KCNN2: variants seen among roughly 807,000 people sequenced by gnomAD.
KCNN2 encodes the protein potassium calcium-activated channel subfamily N member 2, also known as small conductance calcium-activated potassium channel protein 2.
Under a neutral mutation model 55.5 loss-of-function variants are expected in KCNN2, and 24 were observed. The ratio of observed to expected loss-of-function variants is 0.43; its 90% confidence interval spans 0.31 to 0.61. The LOEUF (loss-of-function observed/expected upper bound fraction) is 0.61. Ranked by LOEUF, KCNN2 falls within the 20% of genes least tolerant of loss-of-function variation. The probability of loss-of-function intolerance (pLI) is 0.08; values close to 1 mark genes in which losing one functional copy is unlikely to be tolerated. For missense variants in KCNN2, 754 were observed against 853.6 expected, an observed-to-expected ratio of 0.88 and a Z score of 1.45; for synonymous variants, 431 against 336.1, an observed-to-expected ratio of 1.28 and a Z score of -3.09.
intron 1 of KCNN2, among the ~76,000 whole-genome samples, chr5:114,083,779 C>A (rs1391679693): frequency 6.6e-6 from 1 of 152,130 alleles, no homozygotes; most frequent in Non-Finnish European, 1.5e-5. Context: ...CATTAATCCA[C>A]CCTTACGTTA....
At chr5:114,347,207 T>C in intron 2 of KCNN2, among the ~76,000 whole-genome samples, 1 of 152,304 alleles carries the variant, frequency 6.6e-6, no homozygotes, top group Admixed American at 6.5e-5. Context: ...GGTGCTAAAA[T>C]TACTGGGTGA....
At chr5:114,113,978 C>T (rs1027520122) in intron 1 of KCNN2, among the ~76,000 whole-genome samples, 1 of 152,070 alleles carries the variant, frequency 6.6e-6, no homozygotes, top group African/African-American at 2.4e-5. Flanking sequence ...TTTGGGGTGA[C>T]ATTTGGATCA....
chr5:114,415,558 C>T lies in KCNN2; in HGVS notation c.1637+10702C>T, dbSNP rs146463275. 7.2e-3 allele frequency among the ~76,000 whole-genome samples: 1,097 copies of T among 152,064 alleles called. 4 individuals carry two copies. The highest frequency in any genetic ancestry group is 9.6e-3 in the Non-Finnish European group (651 of 67,990). On this transcript the variant is annotated intron_variant, in intron 3 of 7. Coordinates refer to ENST00000673685, the MANE Select transcript of KCNN2 (RefSeq NM_021614.4). ...TACAGAAATATATGGTCTTAATATA[C>T]GTTTATTTATAGTCTTATAACCATT...
At chr5:114,073,461 T>C (rs1173130347) in intron 1 of KCNN2, among the ~76,000 whole-genome samples, 4 of 152,238 alleles carry the variant, frequency 2.6e-5, no homozygotes, top group Non-Finnish European at 5.9e-5. Flanking sequence ...ATTTTTGCTA[T>C]TATAGCTTAT....
At chr5:114,375,296 A>T (rs1336661256) in intron 2 of KCNN2, among the ~76,000 whole-genome samples, 1 of 152,160 alleles carries the variant, frequency 6.6e-6, no homozygotes, top group Non-Finnish European at 1.5e-5. Flanking sequence ...TATGCATATA[A>T]TGTGACATAA....
intron 2 of KCNN2, among the ~76,000 whole-genome samples, chr5:114,306,699 TC>T (rs1756281771): frequency 8.7e-6 from 1 of 114,808 alleles, no homozygotes; most frequent in Non-Finnish European, 1.8e-5. Context: ...TTTTTTTTTT[TC>T]TTTTTTTTTT....
At chr5:114,117,739 G>A (rs1053360489) in intron 1 of KCNN2, among the ~76,000 whole-genome samples, 1 of 152,130 alleles carries the variant, frequency 6.6e-6, no homozygotes, top group Non-Finnish European at 1.5e-5. Context: ...ATACAGAACT[G>A]GAAATATTAA....
At chr5:114,324,279 T>C (rs944311811) in intron 2 of KCNN2, among the ~76,000 whole-genome samples, 1 of 152,208 alleles carries the variant, frequency 6.6e-6, no homozygotes, top group Non-Finnish European at 1.5e-5. Context: ...TGTTACTTTA[T>C]ATGAAATAAA....
intron 1 of KCNN2, among the ~76,000 whole-genome samples, chr5:114,158,952 G>T (rs1752701993): frequency 1.3e-5 from 2 of 152,132 alleles, no homozygotes; most frequent in South Asian, 4.2e-4. Flanking sequence ...TCTGCAAACA[G>T]GGACAATTTG....
At chr5:114,346,045 A>G (rs173991) in intron 2 of KCNN2, among the ~76,000 whole-genome samples, 121,306 of 152,114 alleles carry the variant, frequency 0.8, 48,569 homozygotes, top group East Asian at 0.97. Flanking sequence ...GCCTCCCAAA[A>G]TGTTGGGATT....
intron 1 of KCNN2, among the ~76,000 whole-genome samples, chr5:114,209,931 TC>T (rs1753846578): frequency 7.9e-6 from 1 of 126,258 alleles, no homozygotes; most frequent in South Asian, 2.9e-4. Flanking sequence ...TATCCTAAAA[TC>T]ATTTTATTTT....
intron 1 of KCNN2, among the ~76,000 whole-genome samples, chr5:114,179,928 T>A (rs1344023064): frequency 6.6e-6 from 1 of 152,182 alleles, no homozygotes; most frequent in African/African-American, 2.4e-5. Context: ...CAAGAAACAT[T>A]TACAGCCACT....
At chr5:114,112,486 A>C (rs181339056) in intron 1 of KCNN2, among the ~76,000 whole-genome samples, 1 of 152,196 alleles carries the variant, frequency 6.6e-6, no homozygotes, top group East Asian at 1.9e-4. Flanking sequence ...TAAAAAATAC[A>C]TAAATAAATA....
chr5:114,434,131 AAT>A (rs1331994402), intron 3 of KCNN2, among the ~76,000 whole-genome samples: 1 of 151,966 alleles, frequency 6.6e-6, no homozygotes, highest in Admixed American at 6.6e-5. Context: ...AATTGAGCAT[AAT>A]ATATGATTTC....
intron 1 of KCNN2, among the ~76,000 whole-genome samples, chr5:114,220,310 A>G (rs1279231660): frequency 6.6e-6 from 1 of 152,132 alleles, no homozygotes; most frequent in Non-Finnish European, 1.5e-5. Context: ...GCAATGCTGG[A>G]AAAAATATTT....
At chr5:114,382,369 T>C (rs1758150747) in intron 2 of KCNN2, among the ~76,000 whole-genome samples, 1 of 152,196 alleles carries the variant, frequency 6.6e-6, no homozygotes, top group South Asian at 2.1e-4. Context: ...CTAAATAAAG[T>C]AAATTTTTGT....
chr5:114,234,056 A>G (rs1754421551), intron 2 of KCNN2, among the ~76,000 whole-genome samples: 1 of 150,392 alleles, frequency 6.6e-6, no homozygotes, highest in Non-Finnish European at 1.5e-5. Context: ...ATTCATCCTT[A>G]TATCATTCAT....
At chr5:114,451,687 G>A (rs1760686772) in intron 3 of KCNN2, among the ~76,000 whole-genome samples, 1 of 152,070 alleles carries the variant, frequency 6.6e-6, no homozygotes, top group Non-Finnish European at 1.5e-5. Context: ...ATGAGGTCAG[G>A]AGATCAAGAC....
intron 1 of KCNN2, among the ~76,000 whole-genome samples, chr5:114,115,969 C>A (rs751942568): frequency 1.3e-5 from 2 of 152,014 alleles, no homozygotes; most frequent in African/African-American, 2.4e-5. Flanking sequence ...GGGACAGTAA[C>A]AACAAAATTT....
Sources: allele counts gnomAD v4.1 joint callset (sites outside exome capture counted in the v4.1 genomes callset), GRCh38; gene constraint gnomAD v4.1.1; transcripts MANE v1.5; gene names NCBI Gene and HGNC (gene_info 2026-07-23, HGNC 2026-07-21).